ARFGEF3: variants seen among roughly 807,000 people sequenced by gnomAD.
The protein encoded by ARFGEF3 is ARFGEF family member 3, also known as brefeldin A-inhibited guanine nucleotide-exchange protein 3.
ARFGEF3 carries 96 observed loss-of-function variants against 221.7 expected under a neutral mutation model. The ratio of observed to expected loss-of-function variants is 0.43; its 90% CI spans 0.37 to 0.51. The LOEUF (loss-of-function observed/expected upper bound fraction) is 0.51, where lower values mean the gene tolerates loss of function less well. ARFGEF3 is among the 20% of genes least tolerant of loss of function. The probability of loss-of-function intolerance (pLI) is 0.00; values close to 1 mark genes in which losing one functional copy is unlikely to be tolerated. For synonymous variants in ARFGEF3, 1,145 were observed against 1,126.8 expected, an observed-to-expected ratio of 1.02 and a Z score of -0.32; for missense variants, 2,410 against 2,789.9, an observed-to-expected ratio of 0.86 and a Z score of 3.07.
intron 13 of ARFGEF3, 104 bp downstream of exon 13, chr6:138,278,721 TC>T: frequency 1.6e-6 from 2 of 1,237,228 alleles, no homozygotes; most frequent in Non-Finnish European, 2.3e-6. Flanking sequence ...CGTGTTTTGT[TC>T]CAGACTGCTC....
At position 138,343,259 on chromosome 6, in the gene ARFGEF3, T is replaced by C. The variant is rs1450051653; in HGVS notation, c.*6773T>C. The C allele has an allele frequency of 3.9e-5, 6 of 152,232 alleles. No homozygotes were observed. The highest frequency in any genetic ancestry group is 1.2e-4 in the African/African-American group (5 of 41,460). The allele number at this position is 152,232 out of a possible 1,614,324, so 9.4% of individuals were successfully genotyped here. On this transcript the variant is annotated 3_prime_UTR_variant, in exon 34 of 34. Coordinates refer to ENST00000251691, the MANE Select transcript of ARFGEF3 (RefSeq NM_020340.5). ...CTGTATTAATTACACATAATGCTTA[T>C]TGATTCAATGAGGTTTCTCTAAAGA...
intron 12 of ARFGEF3, among the ~76,000 whole-genome samples, chr6:138,272,322 A>AT (rs1352808955): frequency 1.3e-5 from 2 of 151,988 alleles, no homozygotes; most frequent in African/African-American, 4.8e-5. Flanking sequence ...CGCCTGGCTA[A>AT]TTTTTTGTAT....
chr6:138,215,501 A>G (rs1190001577), intron 4 of ARFGEF3, among the ~76,000 whole-genome samples: 1 of 152,180 alleles, frequency 6.6e-6, no homozygotes, highest in Non-Finnish European at 1.5e-5. Context: ...TTTTTTATGC[A>G]CCAGACATAT....
intron 2 of ARFGEF3, among the ~76,000 whole-genome samples, chr6:138,198,968 G>A (rs9494958): frequency 0.067 from 10,193 of 152,278 alleles, 833 homozygotes; most frequent in African/African-American, 0.19. Flanking sequence ...GCCTAGGCAT[G>A]GCAGCACATG....
chr6:138,278,672 G>A (rs1429365217), intron 13 of ARFGEF3, 55 bp downstream of exon 13: 3 of 1,579,682 alleles, frequency 1.9e-6, no homozygotes, highest in East Asian at 2.2e-5. Flanking sequence ...ACTTCCTGGT[G>A]TACAGCCTAG....
At chr6:138,284,905 G>A (rs766355527) in intron 14 of ARFGEF3, among the ~76,000 whole-genome samples, 40 of 152,200 alleles carry the variant, frequency 2.6e-4, no homozygotes, top group Non-Finnish European at 4.9e-4. Flanking sequence ...TACCTGCACC[G>A]TGTGTATTGA....
rs1475409584 is a variant in ARFGEF3, at chr6:138,280,031, C to T, written c.2328C>T (p.Gly776=). ...TCATGAAGCAGGTGCAGACCAGCGG[C>T]GTGCTGATGGTCTTCTCTCAGGCCT... ...KDFMKQVQTS[G]VLMVFSQAWI... is the part of the protein sequence containing the mutation. Residue 776 remains glycine, a synonymous_variant, in exon 14 of 34, where the codon GGC becomes GGT. Coordinates refer to ENST00000251691, the MANE Select transcript of ARFGEF3 (RefSeq NM_020340.5). 1.4e-5 allele frequency: 22 copies of T among 1,613,786 alleles called. No individual in the cohort carries two copies. The highest frequency in any genetic ancestry group is 8.3e-5 in the Admixed American group (5 of 59,992).
chr6:138,320,106 A>G (rs531581690), intron 28 of ARFGEF3, among the ~76,000 whole-genome samples: 11 of 152,348 alleles, frequency 7.2e-5, no homozygotes, highest in African/African-American at 2.4e-4. Flanking sequence ...TGCTCAAAAT[A>G]TATGTGTGGT....
intron 24 of ARFGEF3, among the ~76,000 whole-genome samples, chr6:138,310,008 A>C (rs1011222244): frequency 6.6e-6 from 1 of 152,210 alleles, no homozygotes; most frequent in Non-Finnish European, 1.5e-5. Flanking sequence ...CCAAGTTGAC[A>C]TCTAAAATAA....
rs1397261713 is a variant in ARFGEF3 at position 138,340,023 on chromosome 6, G to C, written c.*3537G>C. 6.6e-6 allele frequency: 1 copy of C among 152,194 alleles called. No individual in the cohort carries two copies. Among genetic ancestry groups the C allele is most frequent in the Non-Finnish European group, 1.5e-5 (1 of 68,050 alleles). The allele number at this position is 152,194 out of a possible 1,614,324, so 9.4% of individuals were successfully genotyped here. On this transcript the variant is annotated 3_prime_UTR_variant, in exon 34 of 34. Coordinates refer to ENST00000251691, the MANE Select transcript of ARFGEF3 (RefSeq NM_020340.5). ...AGGTGGGTGGATCTCTTGAGGTCAG[G>C]AGTTCGAGACCAACCTGGCCAACGT...
intron 32 of ARFGEF3, among the ~76,000 whole-genome samples, chr6:138,332,270 C>A (rs1780240846): frequency 6.6e-6 from 1 of 151,962 alleles, no homozygotes; most frequent in African/African-American, 2.4e-5. Context: ...AGGCAGCCTG[C>A]AGTCAGAGCC....
chr6:138,308,210 G>A lies in ARFGEF3; in HGVS notation c.3974-529G>A, dbSNP rs187885097. On this transcript the variant is annotated intron_variant, in intron 23 of 33. Transcript: ENST00000251691. Reference sequence around the variant, plus strand: ...TCACCATAAACCGTATGGTTTGTATGAACAGTCTAGGCACGGTGAACTACT... The same window carrying A: ...TCACCATAAACCGTATGGTTTGTATAAACAGTCTAGGCACGGTGAACTACT... 1.7e-4 allele frequency among the ~76,000 whole-genome samples: 26 copies of A among 152,260 alleles called. No individual in the cohort carries two copies. The East Asian group carries it at 2.5e-3, about 15-fold the overall frequency.
At chr6:138,186,052 C>T (rs187494528) in intron 2 of ARFGEF3, among the ~76,000 whole-genome samples, 50 of 152,292 alleles carry the variant, frequency 3.3e-4, no homozygotes, top group Middle Eastern at 6.8e-3. Context: ...AGGTCTGACT[C>T]GAAAATTGTT....
At chr6:138,245,163 G>A (rs1778463216) in intron 7 of ARFGEF3, among the ~76,000 whole-genome samples, 2 of 152,106 alleles carry the variant, frequency 1.3e-5, no homozygotes, top group South Asian at 2.1e-4. Context: ...TTAGCTGGGT[G>A]TGGTGGCAGG....
chr6:138,181,693 C>T (rs576090265), intron 2 of ARFGEF3, among the ~76,000 whole-genome samples: 1 of 152,350 alleles, frequency 6.6e-6, no homozygotes, highest in South Asian at 2.1e-4. Flanking sequence ...ATCCTCCCAT[C>T]TTGGCCTCCC....
chr6:138,328,074 C>T lies in ARFGEF3; in HGVS notation c.5055C>T (p.His1685=), dbSNP rs201584596. Residue 1685 remains histidine (H), a synonymous_variant, in exon 32 of 34, where the codon CAC becomes CAT. Transcript: ENST00000251691. ...CAAAGACACCAAACAACTTTGACCA[C>T]GCTCAGTCCTGCCAGCTCATTATTG... is the stretch of plus-strand genomic sequence containing the variant. The part of the protein sequence containing the change: ...CSPKTPNNFD[H]AQSCQLIIEL... 72 of 1,565,336 alleles carry T rather than the reference C, an allele frequency of 4.6e-5. No individual in the cohort carries two copies. Among genetic ancestry groups the T allele is most frequent in the Middle Eastern group, 1.7e-4 (1 of 6,018 alleles).
In ARFGEF3 at chr6:138,333,951, CCT is replaced by C. The variant is rs1397613895; in HGVS notation, c.5124-14_5124-13del. Reference sequence around the variant, plus strand: ...TAGGGCAGAAAACCATTAATCGAGCCCTCTCTTTTCACTTGAAGCGTGTCTTT... The same window carrying C: ...TAGGGCAGAAAACCATTAATCGAGCCCTCTTTTCACTTGAAGCGTGTCTTT... On this transcript the variant is annotated splice_polypyrimidine_tract_variant and intron_variant, in intron 32 of 33. Coordinates refer to ENST00000251691, the MANE Select transcript of ARFGEF3 (RefSeq NM_020340.5). 5 of 1,587,582 alleles carry C rather than the reference CCT, an allele frequency of 3.1e-6. No individual in the cohort carries two copies. Among genetic ancestry groups the C allele is most frequent in the Admixed American group, 3.5e-5 (2 of 57,216 alleles).
Position 138,162,861 on chromosome 6 carries a change from G to C in ARFGEF3, c.85+690G>C, listed in dbSNP as rs1776646104. Among the ~76,000 whole-genome samples, 1 of 152,198 alleles carries C rather than the reference G, an allele frequency of 6.6e-6. No individual in the cohort carries two copies. Among genetic ancestry groups the C allele is most frequent in the African/African-American group, 2.4e-5 (1 of 41,446 alleles). On this transcript the variant is annotated intron_variant, in intron 1 of 33. Transcript: ENST00000251691. This position sits in a 1 kb window ranked among gnomAD's most constrained non-coding sequence, Gnocchi z 4.7. ...CGGAAAGACATTTCAGTTAGGCGGGGTTTGGGCAATCAAAATGGTCAGGAT... is the reference window on the plus strand; with the variant it reads ...CGGAAAGACATTTCAGTTAGGCGGGCTTTGGGCAATCAAAATGGTCAGGAT...
chr6:138,308,835 G>A lies in ARFGEF3; in HGVS notation c.4070G>A (p.Cys1357Tyr). ...AATGCAGCCACTAGCTACATCATGT[G>A]CCTTATGAAGTTTGTCAAAGGACTG... is the stretch of plus-strand genomic sequence containing the variant. Reference protein sequence around the residue: ...FANAATSYIMCLMKFVKGLGE... With the variant: ...FANAATSYIMYLMKFVKGLGE... The change falls in exon 24 of 34, where the codon TGC becomes TAC. Residue 1357 changes from cysteine (C) to tyrosine (Y), a missense_variant. Transcript: ENST00000251691. 3 of 1,614,036 alleles carry A rather than the reference G, an allele frequency of 1.9e-6. No homozygotes were observed. Among genetic ancestry groups the A allele is most frequent in the Non-Finnish European group, 2.5e-6 (3 of 1,179,900 alleles).
Sources: gnomAD v4.1 joint callset for allele counts (sites outside exome capture counted in the v4.1 genomes callset) on GRCh38, gnomAD v4.1.1 for gene constraint, Gnocchi (gnomAD v3.1) non-coding constraint, MANE v1.5 for transcripts, NCBI Gene and HGNC (gene_info 2026-07-23, HGNC 2026-07-21) for gene names.